Variants in MSR1 observed in about 807,000 individuals in gnomAD.
The protein encoded by MSR1 is macrophage scavenger receptor 1, also known as macrophage scavenger receptor types I and II.
In MSR1, 53 loss-of-function variants were observed where a neutral mutation model predicts 47.2. That is an observed-to-expected ratio of 1.12 (90% CI 0.90 to 1.41). The LOEUF (loss-of-function observed/expected upper bound fraction) is 1.41, where lower values mean the gene tolerates loss of function less well. Among genes scored for constraint, MSR1 ranks in the 40% most tolerant of loss-of-function variants. The pLI is 0.00. For missense variants in MSR1, 786 were observed against 546.9 expected, an observed-to-expected ratio of 1.44 and a Z score of -4.36; for synonymous variants, 239 against 185.6, an observed-to-expected ratio of 1.29 and a Z score of -2.34.
Position 16,144,393 on chromosome 8 carries a change from T to G in MSR1, c.980-782A>C, listed in dbSNP as rs147059543. On this transcript the variant is annotated intron_variant, in intron 7 of 9. Transcript: ENST00000262101. The stretch of plus-strand genomic sequence containing the variant: ...CATGAGATACAATCAGATCTTCAAG[T>G]AATTACTACCTTGACATAAATCTAG... Among the ~76,000 whole-genome samples the G allele has an allele frequency of 6.0e-4, 91 of 152,224 alleles. 1 individual carries two copies. The highest frequency in any genetic ancestry group is 2.1e-3 in the African/African-American group (89 of 41,556).
chr8:16,127,723 A>G (rs1256553075), intron 8 of MSR1, among the ~76,000 whole-genome samples: 1 of 152,152 alleles, frequency 6.6e-6, no homozygotes, highest in Admixed American at 6.6e-5. Flanking sequence ...AGTCCAAATG[A>G]TTTACTTTGA....
chr8:16,159,354 C>T (rs1028256512), intron 5 of MSR1, among the ~76,000 whole-genome samples: 4 of 151,896 alleles, frequency 2.6e-5, no homozygotes, highest in Non-Finnish European at 4.4e-5. Flanking sequence ...CTTTAAATCA[C>T]GTTATCCCCA....
At chr8:16,172,969 T>C (rs1327260718) in intron 3 of MSR1, among the ~76,000 whole-genome samples, 1 of 152,178 alleles carries the variant, frequency 6.6e-6, no homozygotes. Context: ...TTTTAGTTTC[T>C]TTTTGAAAAA....
intron 3 of MSR1, among the ~76,000 whole-genome samples, chr8:16,171,947 T>C (rs148348029): frequency 1.3e-5 from 2 of 152,182 alleles, no homozygotes; most frequent in African/African-American, 4.8e-5. Context: ...GTAAAATACT[T>C]AGACCACTTC....
At chr8:16,114,252 C>A (rs1799826928) in intron 9 of MSR1, among the ~76,000 whole-genome samples, 1 of 150,572 alleles carries the variant, frequency 6.6e-6, no homozygotes, top group East Asian at 2.0e-4. Context: ...GAAAATTTCA[C>A]ATAGAAAATT....
At chr8:16,170,250 AG>A (rs1328539447) in intron 3 of MSR1, among the ~76,000 whole-genome samples, 10 of 152,106 alleles carry the variant, frequency 6.6e-5, no homozygotes, top group Non-Finnish European at 1.2e-4. Context: ...CAGGAGGCTG[AG>A]GCAGGAGAAT....
At chr8:16,185,748 G>T (rs1372449860) in intron 1 of MSR1, among the ~76,000 whole-genome samples, 1 of 151,576 alleles carries the variant, frequency 6.6e-6, no homozygotes, top group African/African-American at 2.4e-5. Flanking sequence ...AAATCCAAGG[G>T]CATTAAGAGA....
chr8:16,192,099 C>G (rs1218528083), intron 1 of MSR1, among the ~76,000 whole-genome samples: 1 of 151,972 alleles, frequency 6.6e-6, no homozygotes, highest in African/African-American at 2.4e-5. Context: ...TTTTTTGTAT[C>G]CTTTCCCCAC....
At chr8:16,128,058 G>T (rs945320623) in intron 8 of MSR1, among the ~76,000 whole-genome samples, 4 of 152,098 alleles carry the variant, frequency 2.6e-5, no homozygotes, top group Non-Finnish European at 5.9e-5. Context: ...AAGTGAAATT[G>T]TTCTCATAAC....
At chr8:16,186,167 G>A (rs768579221) in intron 1 of MSR1, 2 of 1,534,792 alleles carry the variant, frequency 1.3e-6, no homozygotes, top group South Asian at 1.2e-5. Flanking sequence ...ACGGTTTTTT[G>A]TTGAGAAGAG....
intron 3 of MSR1, among the ~76,000 whole-genome samples, chr8:16,170,311 G>A (rs1002474544): frequency 1.3e-5 from 2 of 151,086 alleles, no homozygotes; most frequent in African/African-American, 2.4e-5. Flanking sequence ...TCACGCCACT[G>A]CACTCCAGCC....
chr8:16,145,860 T>C (rs1159939460), intron 7 of MSR1, among the ~76,000 whole-genome samples: 1 of 152,156 alleles, frequency 6.6e-6, no homozygotes, highest in Non-Finnish European at 1.5e-5. Context: ...GAATGATACC[T>C]TTGGTTAAAA....
At chr8:16,143,064 A>T (rs889763686) in intron 8 of MSR1, among the ~76,000 whole-genome samples, 1 of 152,152 alleles carries the variant, frequency 6.6e-6, no homozygotes, top group Non-Finnish European at 1.5e-5. Flanking sequence ...TTGTTGTGAA[A>T]TCTATTCTGT....
rs1330935406 is a variant in MSR1, at chr8:16,108,716, G to T, written c.*1369C>A. The T allele has an allele frequency of 2.0e-5, 3 of 152,134 alleles. No homozygotes were observed. The highest frequency in any genetic ancestry group is 4.4e-5 in the Non-Finnish European group (3 of 67,998). 9.4% of individuals were successfully genotyped at this position (152,134 alleles called of 1,614,324 possible). The stretch of plus-strand genomic sequence containing the variant: ...GTTACATGATAAAAATGCATTTTCA[G>T]TAGGCTGTTTACAGTAATTCCAATT... On this transcript the variant is annotated 3_prime_UTR_variant, in exon 10 of 10. Transcript: ENST00000262101.
At chr8:16,166,657 G>A (rs920681966) in intron 4 of MSR1, among the ~76,000 whole-genome samples, 17 of 151,816 alleles carry the variant, frequency 1.1e-4, no homozygotes, top group East Asian at 3.9e-4. Context: ...TTTTGTAGTC[G>A]TACAGTCCTT....
Position 16,168,551 on chromosome 8 carries a change from G to A in MSR1, c.537C>T (p.Ser179=), listed in dbSNP as rs780387163. The change falls in exon 4 of 10, where the codon TCC becomes TCT. Residue 179 remains serine (S), a synonymous_variant. Coordinates refer to ENST00000262101, the MANE Select transcript of MSR1 (RefSeq NM_138715.3). ...GCAATGTGGTATTCAAACTTATTAA[G>A]GACTTGGAGATTTCATCTATTGCAT... ...HGNAIDEISK[S]LISLNTTLLD... 1 of 1,614,074 alleles carries A rather than the reference G, an allele frequency of 6.2e-7. No homozygotes were observed. Among genetic ancestry groups the A allele is most frequent in the East Asian group, 2.2e-5 (1 of 44,850 alleles).
Position 16,155,014 on chromosome 8 carries a change from T to C in MSR1, c.898+50A>G, listed in dbSNP as rs371624824. Reference sequence around the variant, plus strand: ...CCTCCCCTACACATGTACCTGGATGTATATCATCTATCTTCACAGTATATG... The same window carrying C: ...CCTCCCCTACACATGTACCTGGATGCATATCATCTATCTTCACAGTATATG... On this transcript the variant is annotated intron_variant, in intron 6 of 9. Coordinates refer to ENST00000262101, the MANE Select transcript of MSR1 (RefSeq NM_138715.3). 162 of 1,443,050 alleles carry C rather than the reference T, an allele frequency of 1.1e-4. No homozygotes were observed. The African/African-American group carries it at 2.2e-3, about 19-fold the overall frequency. 89.4% of individuals were successfully genotyped at this position (1,443,050 alleles called of 1,614,324 possible). A position where few individuals can be genotyped will look rare whatever the true frequency, so the allele number is the denominator to read the frequency against.
chr8:16,167,987 C>T (rs1475374866), intron 4 of MSR1, among the ~76,000 whole-genome samples: 2 of 152,010 alleles, frequency 1.3e-5, no homozygotes, highest in Non-Finnish European at 2.9e-5. Flanking sequence ...ACTCCCCATA[C>T]AAAAACTGTA....
At chr8:16,145,716 AAAAC>A (rs1464705581) in intron 7 of MSR1, among the ~76,000 whole-genome samples, 7 of 152,284 alleles carry the variant, frequency 4.6e-5, no homozygotes, top group South Asian at 2.1e-4. Context: ...TCCTTATAAA[AAAAC>A]AAACAAATGT....
Sources: gnomAD v4.1 joint callset for allele counts (sites outside exome capture counted in the v4.1 genomes callset) on GRCh38, gnomAD v4.1.1 for gene constraint, MANE v1.5 for transcripts, NCBI Gene and HGNC (gene_info 2026-07-23, HGNC 2026-07-21) for gene names.